EPC1: variants seen among roughly 807,000 people sequenced by gnomAD.
EPC1 encodes enhancer of polycomb 1, also known as enhancer of polycomb homolog 1.
A neutral mutation model predicts 98.4 loss-of-function variants in EPC1; 12 were observed. The observed-to-expected ratio is 0.12, with a 90% CI of 0.08 to 0.20. EPC1 has a LOEUF of 0.20. EPC1 is among the 10% of genes least tolerant of loss of function. The probability of loss-of-function intolerance (pLI) is 1.00; values close to 1 mark genes in which losing one functional copy is unlikely to be tolerated. For synonymous variants in EPC1, 357 were observed against 363.9 expected, an observed-to-expected ratio of 0.98 and a Z score of 0.21; for missense variants, 729 against 990.5, an observed-to-expected ratio of 0.74 and a Z score of 3.54.
At chr10:32,372,897 G>A (rs35247001) in intron 1 of EPC1, among the ~76,000 whole-genome samples, 24,131 of 152,126 alleles carry the variant, frequency 0.16, 2,078 homozygotes, top group Admixed American at 0.19. Flanking sequence ...GGTGGCGGGC[G>A]CCTGTAATCC....
rs768645486 is a variant in EPC1 at position 32,291,350 on chromosome 10, A to G, written c.816-28T>C. ...AAAATTATACAAATGAAAGTTTAAA[A>G]TTATATATATTTAAGGAATACAATG... On this transcript the variant is annotated intron_variant, in intron 5 of 13. Coordinates refer to ENST00000319778, the MANE Select transcript of EPC1 (RefSeq NM_001272004.3). 9.9e-6 allele frequency: 15 copies of G among 1,522,762 alleles called. No homozygotes were observed. In the Admixed American group the frequency reaches 2.6e-4, roughly 27 times the overall value. 94.3% of individuals were successfully genotyped at this position (1,522,762 alleles called of 1,614,324 possible).
At chr10:32,292,684 T>C in intron 4 of EPC1, 40 bp from the exon 5 acceptor site, 2 of 1,574,748 alleles carry the variant, frequency 1.3e-6, no homozygotes, top group Non-Finnish European at 1.7e-6. Context: ...TAGTAAGTAT[T>C]TCTAACTAGT....
intron 1 of EPC1, among the ~76,000 whole-genome samples, chr10:32,324,416 A>G (rs1837135907): frequency 6.6e-6 from 1 of 151,312 alleles, no homozygotes; most frequent in Non-Finnish European, 1.5e-5. Flanking sequence ...CTATAATCCC[A>G]GCTACTCAGG....
chr10:32,338,203 C>A (rs1838095801), intron 1 of EPC1, among the ~76,000 whole-genome samples: 1 of 152,190 alleles, frequency 6.6e-6, no homozygotes, highest in Non-Finnish European at 1.5e-5. Flanking sequence ...AAGAGGCCCA[C>A]TCATCTATCC....
upstream of EPC1, among the ~76,000 whole-genome samples, chr10:32,348,483 C>T (rs149959471): frequency 4.2e-3 from 633 of 152,304 alleles, 6 homozygotes; most frequent in African/African-American, 0.014. Flanking sequence ...TATGAGCTGT[C>T]ACTAGCTTAG....
At chr10:32,311,087 G>C (rs1836187903) in intron 1 of EPC1, among the ~76,000 whole-genome samples, 1 of 151,952 alleles carries the variant, frequency 6.6e-6, no homozygotes, top group African/African-American at 2.4e-5. Flanking sequence ...AAGGCGGGCG[G>C]ATCACGAGGT....
intron 1 of EPC1, among the ~76,000 whole-genome samples, chr10:32,324,911 A>T (rs538686264): frequency 6.6e-6 from 1 of 152,066 alleles, no homozygotes; most frequent in Non-Finnish European, 1.5e-5. Context: ...GAAAATGGCA[A>T]ACCTGCAGAA....
chr10:32,304,233 CAT>C (rs1835742832), intron 2 of EPC1, among the ~76,000 whole-genome samples: 1 of 152,090 alleles, frequency 6.6e-6, no homozygotes, highest in African/African-American at 2.4e-5. Context: ...ATCTTTAAGA[CAT>C]GTATTAATTT....
Position 32,271,556 on chromosome 10 carries a change from T to C in EPC1, c.2367A>G (p.Pro789=), listed in dbSNP as rs1334253175. 1 of 1,612,924 alleles carries C rather than the reference T, an allele frequency of 6.2e-7. No individual in the cohort carries two copies. Residue 789 remains proline (P), a splice_region_variant and synonymous_variant, in exon 13 of 14, where the codon CCA becomes CCG. Transcript: ENST00000319778. The stretch of plus-strand genomic sequence containing the variant: ...GTTAGGCAAAAATAACTACTCACCT[T>C]GGAACTGAATCTACAGAGGATGAAG... ...VPSSSSVDSV[P]RENHESEKPA... is the part of the protein sequence containing the mutation.
chr10:32,358,501 A>T (rs569387046), intron 1 of EPC1, among the ~76,000 whole-genome samples: 1 of 151,882 alleles, frequency 6.6e-6, no homozygotes, highest in Admixed American at 6.6e-5. Flanking sequence ...AAAATTAGCC[A>T]GGGTGTGGTG....
At chr10:32,349,113 G>A (rs767977257), upstream of EPC1, among the ~76,000 whole-genome samples, 3 of 152,110 alleles carry the variant, frequency 2.0e-5, no homozygotes, top group Admixed American at 6.5e-5. Flanking sequence ...TAACAGTTCC[G>A]AAAATACTGG....
chr10:32,362,892 T>A (rs914732742), intron 1 of EPC1, among the ~76,000 whole-genome samples: 3 of 152,152 alleles, frequency 2.0e-5, no homozygotes, highest in Admixed American at 2.0e-4. Flanking sequence ...AGCCTGTACT[T>A]CTTCTCCTAA....
intron 1 of EPC1, among the ~76,000 whole-genome samples, chr10:32,342,929 T>A (rs1838462639): frequency 6.6e-6 from 1 of 152,218 alleles, no homozygotes; most frequent in African/African-American, 2.4e-5. Flanking sequence ...ATAGTATTAA[T>A]CCATTTGGTA....
At chr10:32,272,865 A>G in intron 11 of EPC1, 1 of 619,016 alleles carries the variant, frequency 1.6e-6, no homozygotes, top group South Asian at 2.3e-5. Context: ...AACATGCCCA[A>G]GAGAATGAAC....
intron 1 of EPC1, among the ~76,000 whole-genome samples, chr10:32,326,806 T>G (rs1837305774): frequency 6.6e-6 from 1 of 152,124 alleles, no homozygotes; most frequent in Non-Finnish European, 1.5e-5. Context: ...ATGCTCATCA[T>G]GACTAACCAT....
intron 1 of EPC1, 109 bp from the exon 2 acceptor site, chr10:32,306,040 C>G: frequency 1.1e-6 from 1 of 916,572 alleles, no homozygotes; most frequent in Non-Finnish European, 1.6e-6. Context: ...TAGAGAGATT[C>G]TAGTAGTAGA....
At chr10:32,302,522 C>T (rs764338699) in intron 2 of EPC1, among the ~76,000 whole-genome samples, 14 of 151,796 alleles carry the variant, frequency 9.2e-5, no homozygotes, top group South Asian at 2.1e-4. Context: ...TGGTGGCACG[C>T]GCCAGTAGTC....
intron 1 of EPC1, among the ~76,000 whole-genome samples, chr10:32,321,936 A>C (rs1389150667): frequency 2.0e-5 from 3 of 151,686 alleles, no homozygotes; most frequent in Non-Finnish European, 4.4e-5. Flanking sequence ...TCCTAGGTAT[A>C]AGGATTATTA....
chr10:32,351,773 C>T (rs577079387), upstream of EPC1, among the ~76,000 whole-genome samples: 8 of 151,542 alleles, frequency 5.3e-5, 1 homozygote, highest in South Asian at 1.7e-3. Context: ...CTCTGTTGCC[C>T]AGGCTGGAGT....
Sources: gnomAD v4.1 joint callset for allele counts (sites outside exome capture counted in the v4.1 genomes callset) on GRCh38, gnomAD v4.1.1 for gene constraint, MANE v1.5 for transcripts, NCBI Gene and HGNC (gene_info 2026-07-23, HGNC 2026-07-21) for gene names.